ESRRB: variants seen among roughly 807,000 people sequenced by gnomAD.
ESRRB encodes the protein estrogen related receptor beta.
In ESRRB, 16 loss-of-function variants were observed where a neutral mutation model predicts 46.0. The observed-to-expected ratio is 0.35, with a 90% CI of 0.24 to 0.53. The LOEUF (loss-of-function observed/expected upper bound fraction) is 0.53, where lower values mean the gene tolerates loss of function less well. ESRRB is among the 20% of genes least tolerant of loss of function. The probability of loss-of-function intolerance (pLI) is 0.93; values close to 1 mark genes in which losing one functional copy is unlikely to be tolerated. For missense variants in ESRRB, 488 were observed against 607.4 expected (o/e 0.80, Z 2.07); for synonymous variants, 246 against 259.6 (o/e 0.95, Z 0.50).
At chr14:76,344,543 T>TA (rs1252904070) in intron 1 of ESRRB, among the ~76,000 whole-genome samples, 1 of 152,198 alleles carries the variant, frequency 6.6e-6, no homozygotes, top group East Asian at 1.9e-4. Flanking sequence ...ATTCCTGAGT[T>TA]ACTTCGCTTG....
chr14:76,377,759 A>G (rs1308192582), intron 1 of ESRRB, among the ~76,000 whole-genome samples: 1 of 151,910 alleles, frequency 6.6e-6, no homozygotes, highest in Non-Finnish European at 1.5e-5. Flanking sequence ...TCCTGGCTGC[A>G]TGGAGCACCT....
intron 1 of ESRRB, chr14:76,407,743 C>A (rs1361829018): frequency 7.3e-6 from 2 of 275,630 alleles, no homozygotes; most frequent in Non-Finnish European, 1.1e-5. Flanking sequence ...CACATTACTG[C>A]CTGGTGACCT....
intron 1 of ESRRB, among the ~76,000 whole-genome samples, chr14:76,324,089 G>A (rs767911773): frequency 3.9e-5 from 6 of 152,192 alleles, no homozygotes; most frequent in Non-Finnish European, 5.9e-5. Context: ...TTCTGGGCAA[G>A]AGCTGTGTTG....
chr14:76,428,069 G>C (rs1015320126), intron 1 of ESRRB, among the ~76,000 whole-genome samples: 1 of 152,158 alleles, frequency 6.6e-6, no homozygotes, highest in Non-Finnish European at 1.5e-5. Context: ...CGCAATCTTG[G>C]CTCACCACAA....
intron 1 of ESRRB, among the ~76,000 whole-genome samples, chr14:76,324,068 T>C (rs1276033089): frequency 2.6e-5 from 4 of 152,126 alleles, no homozygotes; most frequent in Non-Finnish European, 5.9e-5. Flanking sequence ...GGGCAGAGCC[T>C]GAAATGGGCA....
intron 1 of ESRRB, among the ~76,000 whole-genome samples, chr14:76,398,056 T>G (rs893920190): frequency 1.3e-5 from 2 of 152,250 alleles, no homozygotes; most frequent in Admixed American, 1.3e-4. Context: ...GTCTAGCCTT[T>G]TAAACATGGG....
At position 76,346,978 on chromosome 14, in the gene ESRRB, C is replaced by T. The variant is rs910563232; in HGVS notation, c.2+36062C>T. On this transcript the variant is annotated intron_variant, in intron 1 of 6. Coordinates refer to the ESRRB transcript ENST00000512784. ...CCCCCAACACACATGCTCACAGGCA[C>T]GTGCTTATGCAAACACTGCCCGCAG... Among the ~76,000 whole-genome samples, 4 of 152,314 alleles carry T rather than the reference C, an allele frequency of 2.6e-5. No homozygotes were observed. The South Asian group carries it at 8.3e-4, about 32-fold the overall frequency.
chr14:76,445,908 ACT>A (rs1407149422), intron 2 of ESRRB, among the ~76,000 whole-genome samples: 1 of 152,000 alleles, frequency 6.6e-6, no homozygotes, highest in Non-Finnish European at 1.5e-5. Flanking sequence ...CTGGTCTCCA[ACT>A]CTTGATCTCA....
chr14:76,416,445 T>C (rs1124489), intron 1 of ESRRB, among the ~76,000 whole-genome samples: 65,273 of 151,604 alleles, frequency 0.43, 15,023 homozygotes, highest in African/African-American at 0.59. Context: ...TTATAGCATT[T>C]TTTCCCCCCG....
intron 1 of ESRRB, among the ~76,000 whole-genome samples, chr14:76,356,790 G>T (rs1207212976): frequency 6.6e-6 from 1 of 152,198 alleles, no homozygotes; most frequent in Non-Finnish European, 1.5e-5. Flanking sequence ...ATCAGCGCAT[G>T]GTCCTGCAAT....
intron 1 of ESRRB, among the ~76,000 whole-genome samples, chr14:76,383,341 TG>T (rs112768097): frequency 0.023 from 2,598 of 111,448 alleles, 63 homozygotes; most frequent in African/African-American, 0.077. Flanking sequence ...AAATTTTTAT[TG>T]GTTTTTTTTT....
intron 1 of ESRRB, among the ~76,000 whole-genome samples, chr14:76,424,073 G>A (rs759639794): frequency 6.6e-6 from 1 of 152,174 alleles, no homozygotes; most frequent in East Asian, 1.9e-4. Context: ...GGTCCCTGCC[G>A]AGATATTTAG....
At chr14:76,339,626 C>A (rs1414373762) in intron 1 of ESRRB, among the ~76,000 whole-genome samples, 1 of 152,190 alleles carries the variant, frequency 6.6e-6, no homozygotes, top group African/African-American at 2.4e-5. Flanking sequence ...CAGAATCCCA[C>A]AATTCTCTGG....
chr14:76,314,900 G>A (rs1295312108), intron 1 of ESRRB, among the ~76,000 whole-genome samples: 2 of 151,966 alleles, frequency 1.3e-5, no homozygotes, highest in Admixed American at 1.3e-4. Context: ...GAAAGGGAGG[G>A]CAGGAATCCC....
At chr14:76,469,386 T>C (rs1889262828) in intron 3 of ESRRB, among the ~76,000 whole-genome samples, 1 of 152,116 alleles carries the variant, frequency 6.6e-6, no homozygotes, top group Non-Finnish European at 1.5e-5. Flanking sequence ...TGAGCTACCA[T>C]GCCCAACCCC....
intron 1 of ESRRB, among the ~76,000 whole-genome samples, chr14:76,412,359 G>A (rs1052805849): frequency 6.6e-5 from 10 of 152,236 alleles, no homozygotes; most frequent in Admixed American, 6.5e-5. Flanking sequence ...CTTGTTTCTT[G>A]GTATTTGGAA....
intron 2 of ESRRB, among the ~76,000 whole-genome samples, chr14:76,458,603 G>A (rs948932351): frequency 6.6e-6 from 1 of 152,110 alleles, no homozygotes; most frequent in African/African-American, 2.4e-5. Flanking sequence ...CTGACTCCTT[G>A]CTCTGAGCAG....
At chr14:76,383,291 A>G (rs1345071032) in intron 1 of ESRRB, among the ~76,000 whole-genome samples, 1 of 152,006 alleles carries the variant, frequency 6.6e-6, no homozygotes, top group African/African-American at 2.4e-5. Flanking sequence ...GAGTTCATAA[A>G]TTAGTTTTTA....
Position 76,444,352 on chromosome 14 carries a change from C to A in ESRRB, c.460+4602C>A, listed in dbSNP as rs151245913. 4.0e-4 allele frequency among the ~76,000 whole-genome samples: 61 copies of A among 151,984 alleles called. 1 individual carries two copies. Among genetic ancestry groups the A allele is most frequent in the African/African-American group, 1.4e-3 (58 of 41,472 alleles). On this transcript the variant is annotated intron_variant, in intron 2 of 6. Transcript: ENST00000644823. The stretch of plus-strand genomic sequence containing the variant: ...CCAGCCAGATTTTGTTGTTTCTAAA[C>A]GTAGCAACTGTAGAACATCTGGAAA...
Sources: allele counts gnomAD v4.1 joint callset (sites outside exome capture counted in the v4.1 genomes callset), GRCh38; gene constraint gnomAD v4.1.1; transcripts MANE v1.5; gene names NCBI Gene and HGNC (gene_info 2026-07-23, HGNC 2026-07-21).